PAK3: variants seen among roughly 807,000 people sequenced by gnomAD.
PAK3 encodes the protein serine/threonine-protein kinase PAK 3.
PAK3 carries 4 observed loss-of-function variants against 41.0 expected under a neutral mutation model. That is an observed-to-expected ratio of 0.10 (90% CI 0.05 to 0.22). The LOEUF is 0.22. Ranked by LOEUF, PAK3 falls within the 10% of genes least tolerant of loss-of-function variation. The pLI, the probability that PAK3 is intolerant of heterozygous loss-of-function variation, is 1.00. For synonymous variants in PAK3, 146 were observed against 139.6 expected, an observed-to-expected ratio of 1.05 and a Z score of -0.32; for missense variants, 205 against 409.9, an observed-to-expected ratio of 0.50 and a Z score of 4.32.
At chrX:111,201,762 A>T (rs746281993) in intron 16 of PAK3, among the ~76,000 whole-genome samples, 1 of 111,007 alleles carries the variant, frequency 9.0e-6, no homozygotes, top group Non-Finnish European at 1.9e-5. Flanking sequence ...CAGAGTTAGC[A>T]TGAAAACTAA....
rs2094893410 is a variant in PAK3 at position 111,217,644 on chromosome X, T to A, written c.1545+1086T>A. 5.4e-6 allele frequency: 5 copies of A among 934,170 alleles called. No homozygotes were observed. The East Asian group carries it at 3.1e-4, about 57-fold the overall frequency. 77.0% of individuals were successfully genotyped at this position (934,170 alleles called of 1,213,427 possible). A position where few individuals can be genotyped will look rare whatever the true frequency, so the allele number is the denominator to read the frequency against. ...TGGAGAAACTGAAGAGACTACATCT[T>A]TTCTTTTCTGCTACCTGCAAGCATT... On this transcript the variant is annotated intron_variant, in intron 17 of 17. Coordinates refer to ENST00000372007, the MANE Select transcript of PAK3 (RefSeq NM_002578.5).
At chrX:111,027,986 A>T (rs999315375) in intron 1 of PAK3, among the ~76,000 whole-genome samples, 6 of 14,380 alleles carry the variant, frequency 4.2e-4, no homozygotes, top group African/African-American at 7.8e-4. Context: ...ATATGTATAT[A>T]ATATATATGT....
intron 5 of PAK3, among the ~76,000 whole-genome samples, chrX:111,137,830 A>G (rs2093812586): frequency 9.0e-6 from 1 of 111,707 alleles, no homozygotes; most frequent in East Asian, 2.8e-4. Context: ...TGGGAGGTAC[A>G]CTTAGAAAGT....
chrX:111,014,478 C>A (rs886706047), intron 1 of PAK3, among the ~76,000 whole-genome samples: 1 of 111,702 alleles, frequency 9.0e-6, no homozygotes, highest in Non-Finnish European at 1.9e-5. Flanking sequence ...TTGCTCCTGG[C>A]AGAACCCTTG....
intron 1 of PAK3, among the ~76,000 whole-genome samples, chrX:110,991,575 C>T (rs187601864): frequency 6.3e-5 from 7 of 111,977 alleles, no homozygotes; most frequent in African/African-American, 2.3e-4. Context: ...ATGCCTGGTA[C>T]ATGATAAGCA....
chrX:110,974,583 A>C (rs1481878057), intron 1 of PAK3, among the ~76,000 whole-genome samples: 2 of 112,116 alleles, frequency 1.8e-5, no homozygotes, highest in Non-Finnish European at 3.8e-5. Context: ...GAATAGAAAA[A>C]GAGAGAATCC....
chrX:111,208,945 G>A (rs953936146), intron 16 of PAK3, among the ~76,000 whole-genome samples: 1 of 110,382 alleles, frequency 9.1e-6, no homozygotes. Flanking sequence ...GTGTGTGTGT[G>A]TGTGTGTGTG....
At chrX:111,087,771 A>T (rs1183910625) in intron 1 of PAK3, among the ~76,000 whole-genome samples, 1 of 106,725 alleles carries the variant, frequency 9.4e-6, no homozygotes, top group East Asian at 2.9e-4. Context: ...AAAAACAAAA[A>T]AAAAAAAAAC....
intron 1 of PAK3, among the ~76,000 whole-genome samples, chrX:111,004,083 C>T (rs1045325326): frequency 6.2e-5 from 7 of 112,262 alleles, no homozygotes; most frequent in African/African-American, 2.3e-4. Flanking sequence ...AGCAAGTGCT[C>T]CAGGACAGTT....
rs187739013 is a variant in PAK3, at chrX:111,171,539, T to C, written c.767-1479T>C. On this transcript the variant is annotated intron_variant, in intron 10 of 17. Transcript: ENST00000372007. ...TGAGTGATAGCAAGTATTCATCCTC[T>C]GAGTGATGGACTGGATTTTTTTGAA... Among the ~76,000 whole-genome samples the C allele has an allele frequency of 2.2e-3, 243 of 111,909 alleles. 1 individual carries two copies. Among genetic ancestry groups the C allele is most frequent in the Admixed American group, 0.021 (223 of 10,542 alleles).
chrX:110,972,360 G>A (rs934075276), intron 1 of PAK3, among the ~76,000 whole-genome samples: 1 of 111,678 alleles, frequency 9.0e-6, no homozygotes, highest in Non-Finnish European at 1.9e-5. Context: ...GCTTCCAGAG[G>A]AAGGATCAGG....
intron 1 of PAK3, among the ~76,000 whole-genome samples, chrX:111,066,593 G>A (rs190704485): frequency 2.6e-4 from 29 of 111,968 alleles, no homozygotes; most frequent in South Asian, 1.1e-3. Flanking sequence ...TATGTCAAGC[G>A]TTGAATTTAA....
At chrX:110,969,305 A>G (rs758622197) in intron 1 of PAK3, among the ~76,000 whole-genome samples, 1 of 101,808 alleles carries the variant, frequency 9.8e-6, no homozygotes, top group South Asian at 4.8e-4. Flanking sequence ...TTTTTTTTTA[A>G]TAGAGTCTCA....
intron 1 of PAK3, among the ~76,000 whole-genome samples, chrX:111,003,351 C>T (rs140045999): frequency 5.4e-5 from 6 of 111,574 alleles, no homozygotes; most frequent in African/African-American, 1.6e-4. Context: ...GCCAGCTACT[C>T]GGCTTGGTGC....
chrX:111,080,464 A>G lies in PAK3; in HGVS notation c.-27-42613A>G, dbSNP rs566143468. ...AAGCTATGTATATTGTTCTTTAGAC[A>G]TAATACTATTGCATACTTAGTAGAC... On this transcript the variant is annotated intron_variant, in intron 1 of 14. Coordinates refer to the PAK3 transcript ENST00000425146. 1.9e-4 allele frequency among the ~76,000 whole-genome samples: 21 copies of G among 112,727 alleles called. No individual in the cohort carries two copies. The South Asian group carries it at 5.9e-3, about 31-fold the overall frequency.
intron 1 of PAK3, among the ~76,000 whole-genome samples, chrX:110,998,198 G>A (rs1430188098): frequency 1.8e-5 from 2 of 111,568 alleles, no homozygotes; most frequent in African/African-American, 6.5e-5. Context: ...AATAAGTTCA[G>A]GTAGAAAAGA....
At chrX:110,978,340 C>A (rs1411125311) in intron 1 of PAK3, among the ~76,000 whole-genome samples, 1 of 110,345 alleles carries the variant, frequency 9.1e-6, no homozygotes, top group African/African-American at 3.3e-5. Context: ...CAGTCCCCCC[C>A]TCTACTCCTA....
intron 5 of PAK3, among the ~76,000 whole-genome samples, chrX:111,137,977 A>G (rs1014021998): frequency 9.0e-6 from 1 of 111,688 alleles, no homozygotes; most frequent in Non-Finnish European, 1.9e-5. Flanking sequence ...AAAACAAAAC[A>G]AAAGAAAAAC....
chrX:111,024,845 C>G (rs890007174), intron 1 of PAK3, among the ~76,000 whole-genome samples: 1 of 111,366 alleles, frequency 9.0e-6, no homozygotes, highest in Non-Finnish European at 1.9e-5. Context: ...TCAGAATATA[C>G]ATTCTATTCA....
Sources: allele counts gnomAD v4.1 joint callset (sites outside exome capture counted in the v4.1 genomes callset), GRCh38; gene constraint gnomAD v4.1.1; transcripts MANE v1.5; gene names NCBI Gene and HGNC (gene_info 2026-07-23, HGNC 2026-07-21).